PRELID2: variants seen among roughly 807,000 people sequenced by gnomAD.
PRELID2 encodes PRELI domain-containing protein 2.
Under a neutral mutation model 28.4 loss-of-function variants are expected in PRELID2, and 25 were observed. The observed-to-expected ratio is 0.88, with a 90% CI of 0.64 to 1.23. The LOEUF is 1.23. Among genes scored for constraint, PRELID2 ranks in the 50% most tolerant of loss-of-function variants. The probability of loss-of-function intolerance (pLI) is 0.00; values close to 1 mark genes in which losing one functional copy is unlikely to be tolerated. For missense variants in PRELID2, 201 were observed against 214.4 expected (o/e 0.94, Z 0.39); for synonymous variants, 76 against 71.6 (o/e 1.06, Z -0.31).
At chr5:145,450,532 G>A in the PRELID2 span, 1 of 152,042 alleles carries the variant, frequency 6.6e-6, no homozygotes, top group African/African-American at 2.4e-5. Flanking sequence ...GAACTCTAAA[G>A]GAAACAAGAC....
In PRELID2 at chr5:145,561,748, C is replaced by T. The variant is rs1752927539; in HGVS notation, n.71-88433G>A. Among the ~76,000 whole-genome samples, 2 of 152,120 alleles carry T rather than the reference C, an allele frequency of 1.3e-5. 1 individual carries two copies. The highest frequency in any genetic ancestry group is 4.2e-4 in the South Asian group (2 of 4,816). Reference sequence around the variant, plus strand: ...AGCCTCTCACCTTGAACTGAGACCACCATCAATATAATAAGATTTAAATTC... The same window carrying T: ...AGCCTCTCACCTTGAACTGAGACCATCATCAATATAATAAGATTTAAATTC... On this transcript the variant is annotated intron_variant and non_coding_transcript_variant, in intron 1 of 2. Transcript: ENST00000510259.
downstream of PRELID2, among the ~76,000 whole-genome samples, chr5:145,468,092 G>C (rs1752019269): frequency 6.6e-6 from 1 of 152,002 alleles, no homozygotes; most frequent in Non-Finnish European, 1.5e-5. Flanking sequence ...ACAGGCCCCA[G>C]TGTGTGATGT....
At chr5:145,596,734 G>C (rs1193886968) in intron 1 of PRELID2, among the ~76,000 whole-genome samples, 1 of 152,136 alleles carries the variant, frequency 6.6e-6, no homozygotes, top group African/African-American at 2.4e-5. Context: ...AACTCACTTT[G>C]TGTCTTGACT....
intron 1 of PRELID2, among the ~76,000 whole-genome samples, chr5:145,697,904 C>T (rs1755315820): frequency 6.6e-6 from 1 of 152,042 alleles, no homozygotes; most frequent in African/African-American, 2.4e-5. Context: ...TTATCTGACA[C>T]TCCAAAATAA....
chr5:145,305,187 A>G, the PRELID2 span, among the ~76,000 whole-genome samples: 1 of 152,150 alleles, frequency 6.6e-6, no homozygotes. Context: ...CAAATTTTTG[A>G]AAGCTGGAAA....
chr5:145,367,117 TA>T, the PRELID2 span, among the ~76,000 whole-genome samples: 1 of 151,232 alleles, frequency 6.6e-6, no homozygotes, highest in African/African-American at 2.4e-5. Flanking sequence ...CACTTTTCCT[TA>T]AAAATTGTCA....
the PRELID2 span, among the ~76,000 whole-genome samples, chr5:145,456,824 T>G: frequency 6.6e-6 from 1 of 152,206 alleles, no homozygotes; most frequent in Non-Finnish European, 1.5e-5. Context: ...TTTCTTTTAC[T>G]TCGAGTTATG....
chr5:145,436,358 A>G, the PRELID2 span, among the ~76,000 whole-genome samples: 1 of 152,058 alleles, frequency 6.6e-6, no homozygotes, highest in African/African-American at 2.4e-5. Flanking sequence ...GGTTGATTCC[A>G]TGTCTTTACT....
downstream of PRELID2, among the ~76,000 whole-genome samples, chr5:145,752,825 GT>G (rs1757160415): frequency 6.6e-6 from 1 of 151,982 alleles, no homozygotes; most frequent in African/African-American, 2.4e-5. Flanking sequence ...TGTTTTTTGG[GT>G]TTTTTTCTCT....
At chr5:145,524,477 G>A (rs1221522620) in intron 1 of PRELID2, among the ~76,000 whole-genome samples, 1 of 152,162 alleles carries the variant, frequency 6.6e-6, no homozygotes, top group South Asian at 2.1e-4. Context: ...AAACTAACTC[G>A]AGATTTGAGA....
At chr5:145,649,201 T>C (rs747932214) in intron 1 of PRELID2, among the ~76,000 whole-genome samples, 3 of 152,318 alleles carry the variant, frequency 2.0e-5, no homozygotes, top group African/African-American at 4.8e-5. Context: ...ATGACTAGCA[T>C]GAGGGAAAAT....
At chr5:145,296,163 G>A in the PRELID2 span, among the ~76,000 whole-genome samples, 1 of 150,890 alleles carries the variant, frequency 6.6e-6, no homozygotes, top group South Asian at 2.1e-4. Flanking sequence ...ATTGTAGCAG[G>A]TTTTTTTTGG....
At chr5:145,229,522 G>T in the PRELID2 span, 447 of 1,429,482 alleles carry the variant, frequency 3.1e-4, no homozygotes, top group Non-Finnish European at 4.2e-4. Context: ...CCGTGAGGGT[G>T]ACCAGCGTCA....
Position 145,509,870 on chromosome 5 carries a change from A to G in PRELID2, n.71-36555T>C, listed in dbSNP as rs17411361. On this transcript the variant is annotated intron_variant and non_coding_transcript_variant, in intron 1 of 2. Coordinates refer to the PRELID2 transcript ENST00000510259. Reference sequence around the variant, plus strand: ...CTGTTTTTTCACTGATAAGTTGGAGATAATATCTAACCCTTAGAGTGGCTG... The same window carrying G: ...CTGTTTTTTCACTGATAAGTTGGAGGTAATATCTAACCCTTAGAGTGGCTG... Among the ~76,000 whole-genome samples the G allele has an allele frequency of 9.4e-3, 1,439 of 152,284 alleles. 8 individuals carry two copies. The highest frequency in any genetic ancestry group is 0.015 in the Non-Finnish European group (992 of 68,018).
the PRELID2 span, among the ~76,000 whole-genome samples, chr5:145,401,895 A>G: frequency 6.6e-6 from 1 of 152,178 alleles, no homozygotes; most frequent in African/African-American, 2.4e-5. Flanking sequence ...TACTTCGAAC[A>G]CTATTTGCCT....
chr5:145,316,766 C>T, the PRELID2 span, among the ~76,000 whole-genome samples: 2 of 152,176 alleles, frequency 1.3e-5, no homozygotes, highest in Admixed American at 1.3e-4. Flanking sequence ...TGAATGAACT[C>T]CATTTTTTCA....
At chr5:145,416,074 G>A in the PRELID2 span, among the ~76,000 whole-genome samples, 2 of 151,990 alleles carry the variant, frequency 1.3e-5, no homozygotes, top group Non-Finnish European at 2.9e-5. Flanking sequence ...CTGCATAAAT[G>A]TCTTCTTTTG....
chr5:145,642,526 C>A (rs1754124693), intron 1 of PRELID2, among the ~76,000 whole-genome samples: 1 of 152,164 alleles, frequency 6.6e-6, no homozygotes, highest in African/African-American at 2.4e-5. Context: ...TTAATTAGAT[C>A]TCATTTGTCA....
At chr5:145,262,814 C>A in the PRELID2 span, among the ~76,000 whole-genome samples, 1 of 151,636 alleles carries the variant, frequency 6.6e-6, no homozygotes, top group African/African-American at 2.4e-5. Flanking sequence ...ACAAATGACA[C>A]AATGAAAAGA....
Sources: allele counts gnomAD v4.1 joint callset (sites outside exome capture counted in the v4.1 genomes callset), GRCh38; gene constraint gnomAD v4.1.1; transcripts MANE v1.5; gene names NCBI Gene and HGNC (gene_info 2026-07-23, HGNC 2026-07-21).